HGD: variants seen among roughly 807,000 people sequenced by gnomAD.
HGD encodes homogentisate 1,2-dioxygenase.
In HGD, 61 loss-of-function variants were observed where a neutral mutation model predicts 60.8. The ratio of observed to expected loss-of-function variants is 1.00; its 90% CI spans 0.82 to 1.24. HGD has a LOEUF of 1.24. HGD is among the 50% of genes most tolerant of loss of function. The pLI is 0.00. For synonymous variants in HGD, 212 were observed against 187.7 expected, an observed-to-expected ratio of 1.13 and a Z score of -1.06; for missense variants, 542 against 547.1, an observed-to-expected ratio of 0.99 and a Z score of 0.09.
intron 4 of HGD, among the ~76,000 whole-genome samples, chr3:120,656,712 C>A (rs535634757): frequency 6.6e-6 from 1 of 152,074 alleles, no homozygotes; most frequent in African/African-American, 2.4e-5. Flanking sequence ...CCCCCATGCC[C>A]GGGTAGTTTT....
chr3:120,668,136 G>A (rs1707941876), intron 4 of HGD, among the ~76,000 whole-genome samples: 1 of 152,184 alleles, frequency 6.6e-6, no homozygotes, highest in African/African-American at 2.4e-5. Context: ...GGACCAGGGA[G>A]GATGTCTGCT....
rs1413985635 is a variant in HGD at position 120,674,945 on chromosome 3, G to A, written c.132C>T (p.Leu44=). Residue 44 remains leucine, a synonymous_variant, in exon 3 of 14, where the codon CTC becomes CTT. Coordinates refer to ENST00000283871, the MANE Select transcript of HGD (RefSeq NM_000187.4). ...VCPYNLYAEQ[L]SGSAFTCPRS... ...GTGGACAAGTGAAAGCCGATCCTGA[G>A]AGCTGCTCAGCATAGAGATTGTAGG... 6.2e-7 allele frequency: 1 copy of A among 1,612,090 alleles called. No homozygotes were observed. Among genetic ancestry groups the A allele is most frequent in the Non-Finnish European group, 8.5e-7 (1 of 1,178,562 alleles).
At chr3:120,673,471 A>G (rs74356584) in intron 3 of HGD, among the ~76,000 whole-genome samples, 21,034 of 151,848 alleles carry the variant, frequency 0.14, 1,678 homozygotes, top group Middle Eastern at 0.23. Context: ...AATGGACAGA[A>G]TTATCTGCGT....
At chr3:120,651,005 G>A in intron 5 of HGD, 140 bp from the exon 6 acceptor site, 2 of 762,508 alleles carry the variant, frequency 2.6e-6, no homozygotes, top group South Asian at 2.8e-5. Flanking sequence ...TGGAATCCAG[G>A]CAGCCTCTAA....
At chr3:120,630,825 T>TATATATATACACACACAC (rs1491569082) in intron 13 of HGD, among the ~76,000 whole-genome samples, 1 of 104,120 alleles carries the variant, frequency 9.6e-6, no homozygotes, top group Non-Finnish European at 1.8e-5. Context: ...TATATATATA[T>TATATATATACACACACAC]ACACATACAC....
At chr3:120,645,957 C>T (rs1941144851) in intron 9 of HGD, among the ~76,000 whole-genome samples, 2 of 152,152 alleles carry the variant, frequency 1.3e-5, no homozygotes, top group African/African-American at 4.8e-5. Context: ...TTTCTGGTGA[C>T]CCAAGCCCAC....
chr3:120,660,258 G>T (rs1418231955), intron 4 of HGD, among the ~76,000 whole-genome samples: 3 of 152,310 alleles, frequency 2.0e-5, no homozygotes, highest in Non-Finnish European at 4.4e-5. Context: ...AGCAGTGCAA[G>T]AATGGACTAA....
intron 4 of HGD, among the ~76,000 whole-genome samples, chr3:120,656,154 A>C (rs906239707): frequency 6.6e-6 from 1 of 152,198 alleles, no homozygotes; most frequent in Non-Finnish European, 1.5e-5. Flanking sequence ...AGGATACAGT[A>C]AGAAGGACTG....
At position 120,675,882 on chromosome 3, in the gene HGD, C is replaced by A. The variant is rs768494394; in HGVS notation, c.16-19G>T. On this transcript the variant is annotated intron_variant, in intron 1 of 13. Coordinates refer to ENST00000283871, the MANE Select transcript of HGD (RefSeq NM_000187.4). ...AAATGTACTGTAGGTGACAAAGACACAAATGCCACCATTAGCAGGATTTAA... is the reference window on the plus strand; with the variant it reads ...AAATGTACTGTAGGTGACAAAGACAAAAATGCCACCATTAGCAGGATTTAA... 4 of 1,586,498 alleles carry A rather than the reference C, an allele frequency of 2.5e-6. No homozygotes were observed. Among genetic ancestry groups the A allele is most frequent in the Non-Finnish European group, 3.5e-6 (4 of 1,154,996 alleles).
At chr3:120,664,733 ATAT>A (rs1707860928) in intron 4 of HGD, among the ~76,000 whole-genome samples, 2 of 151,928 alleles carry the variant, frequency 1.3e-5, no homozygotes, top group African/African-American at 2.4e-5. Flanking sequence ...GCCTGGCCAG[ATAT>A]TATTTTAAAT....
chr3:120,647,877 C>A lies in HGD; in HGVS notation c.469G>T (p.Val157Phe), dbSNP rs1941214001. 3 of 1,611,408 alleles carry A rather than the reference C, an allele frequency of 1.9e-6. No individual in the cohort carries two copies. Among genetic ancestry groups the A allele is most frequent in the South Asian group, 2.2e-5 (2 of 91,046 alleles). ...GGGGTCTGAAGTCTTCAGAACTCAC[C>A]AATCAAGAAGTCCCCATCTGAATTG... ...FYNSDGDFLI[V>F]PQKGNLLIYT... is the part of the protein sequence containing the mutation. The change falls in exon 7 of 14, where the codon GTT becomes TTT. Residue 157 changes from valine to phenylalanine, a missense_variant and splice_region_variant. Physicochemically the swap from Val to Phe is conservative, Grantham distance 50. Transcript: ENST00000283871.
At chr3:120,670,241 A>G (rs1576314984) in intron 4 of HGD, 186 bp downstream of exon 4, 1 of 614,584 alleles carries the variant, frequency 1.6e-6, no homozygotes, top group East Asian at 2.8e-5. Context: ...TTATTTTTTC[A>G]TAGCAGCATG....
At chr3:120,630,798 T>TTATATAGATATATATATATA (rs1940560331) in intron 13 of HGD, among the ~76,000 whole-genome samples, 1 of 88,028 alleles carries the variant, frequency 1.1e-5, no homozygotes, top group African/African-American at 6.2e-5. Context: ...CTTAAGAGCT[T>TTATATAGATATATATATATA]TATATATATA....
At position 120,664,226 on chromosome 3, in the gene HGD, G is replaced by A. The variant is rs1377360096; in HGVS notation, c.282+6201C>T. ...AATGGTGACAAGGCATGAAGAGCTTGGGGAAGGTGAGAGGTGAGGTGAGAG... is the reference window on the plus strand; with the variant it reads ...AATGGTGACAAGGCATGAAGAGCTTAGGGAAGGTGAGAGGTGAGGTGAGAG... On this transcript the variant is annotated intron_variant, in intron 4 of 13. Coordinates refer to ENST00000283871, the MANE Select transcript of HGD (RefSeq NM_000187.4). 5.9e-5 allele frequency among the ~76,000 whole-genome samples: 9 copies of A among 152,234 alleles called. No homozygotes were observed. The East Asian group carries it at 1.5e-3, about 26-fold the overall frequency.
chr3:120,646,256 T>C lies in HGD; in HGVS notation c.649+11A>G, dbSNP rs1465052465. 1 of 1,533,290 alleles carries C rather than the reference T, an allele frequency of 6.5e-7. No homozygotes were observed. The highest frequency in any genetic ancestry group is 1.1e-5 in the South Asian group (1 of 89,396). 95.0% of individuals were successfully genotyped at this position (1,533,290 alleles called of 1,614,324 possible). A position where few individuals can be genotyped will look rare whatever the true frequency, so the allele number is the denominator to read the frequency against. On this transcript the variant is annotated intron_variant, in intron 9 of 13. Transcript: ENST00000283871. ...TCAAGCGAGGCTTAGAGGCTTGTAA[T>C]GAAGATTTACCAATTGGTCCAAGGT...
intron 11 of HGD, among the ~76,000 whole-genome samples, chr3:120,639,512 T>C (rs575511681): frequency 6.6e-6 from 1 of 152,322 alleles, no homozygotes. Flanking sequence ...GAACTGCTTT[T>C]TCACCCTGCT....
intron 1 of HGD, among the ~76,000 whole-genome samples, chr3:120,676,997 G>A (rs1243815515): frequency 2.0e-5 from 3 of 152,150 alleles, no homozygotes; most frequent in South Asian, 4.1e-4. Context: ...TGTCTTTACT[G>A]CAATCTCTAA....
At chr3:120,657,501 A>C (rs1167102330) in intron 4 of HGD, among the ~76,000 whole-genome samples, 1 of 152,116 alleles carries the variant, frequency 6.6e-6, no homozygotes, top group Non-Finnish European at 1.5e-5. Flanking sequence ...TGACTTGAGT[A>C]CTCTCAACAA....
At chr3:120,643,669 C>T (rs1247440837) in intron 10 of HGD, among the ~76,000 whole-genome samples, 1 of 151,996 alleles carries the variant, frequency 6.6e-6, no homozygotes, top group Non-Finnish European at 1.5e-5. Context: ...ACAAATAATG[C>T]TAAACAGAAG....
Sources: gnomAD v4.1 joint callset for allele counts (sites outside exome capture counted in the v4.1 genomes callset) on GRCh38, gnomAD v4.1.1 for gene constraint, MANE v1.5 for transcripts, NCBI Gene and HGNC (gene_info 2026-07-23, HGNC 2026-07-21) for gene names.